ZNF773: variants seen among roughly 807,000 people sequenced by gnomAD.
ZNF773 encodes zinc finger protein 773.
Under a neutral mutation model 12.8 loss-of-function variants are expected in ZNF773, and 11 were observed. The observed-to-expected ratio is 0.86, with a 90% CI of 0.54 to 1.42. ZNF773 has a LOEUF of 1.42. Ranked by LOEUF, ZNF773 falls within the 40% of genes most tolerant of loss-of-function variation. The probability of loss-of-function intolerance (pLI) is 0.00; values close to 1 mark genes in which losing one functional copy is unlikely to be tolerated. For synonymous variants in ZNF773, 175 were observed against 178.4 expected (o/e 0.98, Z 0.15); for missense variants, 518 against 527.2 (o/e 0.98, Z 0.17).
In ZNF773 at chr19:57,500,059, T is replaced by C; in HGVS notation, c.-22T>C. 6.3e-7 allele frequency: 1 copy of C among 1,587,694 alleles called. No homozygotes were observed. Among genetic ancestry groups the C allele is most frequent in the Non-Finnish European group, 8.6e-7 (1 of 1,168,754 alleles). Reference sequence around the variant, plus strand: ...TGGCCCGGGCCCTTTCCTCGGTCGTTGTCTCACCGCCACAGGCTCCGATGG... The same window carrying C: ...TGGCCCGGGCCCTTTCCTCGGTCGTCGTCTCACCGCCACAGGCTCCGATGG... On this transcript the variant is annotated 5_prime_UTR_variant, in exon 1 of 4. Transcript: ENST00000282292.
At chr19:57,515,055 T>A (rs556926591), downstream of ZNF773, 1 of 152,220 alleles carries the variant, frequency 6.6e-6, no homozygotes, top group Non-Finnish European at 1.5e-5. Context: ...GTTTTACAGC[T>A]CACCGCTTTA....
In ZNF773 at chr19:57,506,364, G is replaced by C. The variant is rs1376127482; in HGVS notation, c.269G>C (p.Trp90Ser). The C allele has an allele frequency of 6.2e-7, 1 of 1,602,478 alleles. No homozygotes were observed. The highest frequency in any genetic ancestry group is 1.1e-5 in the South Asian group (1 of 89,426). ...AACATTTCTCTTCTTTCAGGTAGTT[G>C]GCAAGGAGCCAAGGCTGAGGCAGCT... ...VVTSAILRGSWQGAKAEAAAE... is the reference protein window; with the variant it reads ...VVTSAILRGSSQGAKAEAAAE... Residue 90 changes from tryptophan to serine, a missense_variant, in exon 4 of 4, where the codon TGG becomes TCG. Transcript: ENST00000282292.
chr19:57,505,709 GTTGT>G (rs1467356546), intron 3 of ZNF773, among the ~76,000 whole-genome samples: 3 of 98,956 alleles, frequency 3.0e-5, no homozygotes, highest in African/African-American at 4.2e-5. Context: ...TTTCATTCCA[GTTGT>G]TTTTTTTTTT....
chr19:57,500,126 TCCTCCCGG>T lies in ZNF773; in HGVS notation c.33+20_33+27del, dbSNP rs1466618038. On this transcript the variant is annotated intron_variant, in intron 1 of 3. Transcript: ENST00000282292. ...GGACCCCGCTCAGGTGAGCGCCGCG[TCCTCCCGG>T]CCTCCCCCGAATCCTAAAGCCCTGT... 2 of 1,602,098 alleles carry T rather than the reference TCCTCCCGG, an allele frequency of 1.2e-6. No individual in the cohort carries two copies. Among genetic ancestry groups the T allele is most frequent in the African/African-American group, 2.7e-5 (2 of 74,512 alleles).
Position 57,506,610 on chromosome 19 carries a change from A to C in ZNF773, c.515A>C (p.Glu172Ala). The change falls in exon 4 of 4, where the codon GAG (glutamate) becomes GCG (alanine). Residue 172 changes from glutamate (E) to alanine (A), a missense_variant. Glu to Ala is a moderately radical substitution (Grantham distance 107, BLOSUM62 -1). Transcript: ENST00000282292. ...AAGCACCAGGTGACTCACACGGGAG[A>C]GAAGTCACATAGGAGCTCCAAAAGT... ...VLKHQVTHTG[E>A]KSHRSSKSRE... is the part of the protein sequence containing the mutation. 1 of 1,614,194 alleles carries C rather than the reference A, an allele frequency of 6.2e-7. No individual in the cohort carries two copies. Among genetic ancestry groups the C allele is most frequent in the Non-Finnish European group, 8.5e-7 (1 of 1,180,034 alleles).
At chr19:57,506,291 C>A in intron 3 of ZNF773, 67 bp from the exon 4 acceptor site, 1 of 1,547,520 alleles carries the variant, frequency 6.5e-7, no homozygotes, top group Non-Finnish European at 8.7e-7. Flanking sequence ...GTGTCAGACA[C>A]GTGTGAGAGT....
chr19:57,512,431 GTCTC>G (rs1042859984), downstream of ZNF773, among the ~76,000 whole-genome samples: 10 of 130,764 alleles, frequency 7.6e-5, no homozygotes, highest in South Asian at 2.5e-4. Context: ...TTGAGATGGA[GTCTC>G]TCTCTGTCAC....
At chr19:57,516,418 A>G (rs7507774), downstream of ZNF773, 31,588 of 152,608 alleles carry the variant, frequency 0.21, 3,401 homozygotes, top group African/African-American at 0.25. Flanking sequence ...ACTCGGGAGC[A>G]ACACTCCTCC....
chr19:57,514,452 G>A (rs2089819542), downstream of ZNF773: 1 of 152,138 alleles, frequency 6.6e-6, no homozygotes, highest in Admixed American at 6.5e-5. Context: ...ACTTACTAAG[G>A]AGGCAGAAGC....
At chr19:57,503,440 A>G (rs1337676001) in intron 1 of ZNF773, among the ~76,000 whole-genome samples, 2 of 152,092 alleles carry the variant, frequency 1.3e-5, no homozygotes, top group African/African-American at 4.8e-5. Flanking sequence ...CTAGTGGCCA[A>G]AGTTCCTGTG....
In ZNF773 at chr19:57,507,486, A is replaced by C. The variant is rs1406448000; in HGVS notation, c.*62A>C. On this transcript the variant is annotated 3_prime_UTR_variant, in exon 4 of 4. Coordinates refer to ENST00000282292, the MANE Select transcript of ZNF773 (RefSeq NM_198542.3). ...TCAACACCAGAAAGTTCACAGTGTA[A>C]AAAAGTCTTGAAGGTTACTAATGGA... The C allele has an allele frequency of 6.5e-6, 10 of 1,528,200 alleles. No homozygotes were observed. In the African/African-American group the frequency reaches 1.3e-4, roughly 19 times the overall value. The allele number at this position is 1,528,200 out of a possible 1,614,324, so 94.7% of individuals were successfully genotyped here.
chr19:57,504,886 A>C (rs917904298), intron 2 of ZNF773, 100 bp downstream of exon 2: 2 of 1,443,014 alleles, frequency 1.4e-6, no homozygotes, highest in African/African-American at 2.8e-5. Flanking sequence ...AACTGTGGGC[A>C]CTCATTCCTT....
In ZNF773 at chr19:57,506,383, G is replaced by C. The variant is rs1197883622; in HGVS notation, c.288G>C (p.Glu96Asp). 6.2e-7 allele frequency: 1 copy of C among 1,611,656 alleles called. No homozygotes were observed. Among genetic ancestry groups the C allele is most frequent in the Non-Finnish European group, 8.5e-7 (1 of 1,179,162 alleles). ...LRGSWQGAKA[E>D]AAAEQSASVE... ...GTAGTTGGCAAGGAGCCAAGGCTGAGGCAGCTGCTGAGCAGAGTGCTTCTG... is the reference window on the plus strand; with the variant it reads ...GTAGTTGGCAAGGAGCCAAGGCTGACGCAGCTGCTGAGCAGAGTGCTTCTG... Residue 96 changes from glutamate to aspartate, a missense_variant, in exon 4 of 4, where the codon GAG (glutamate) becomes GAC (aspartate). Transcript: ENST00000282292.
rs147433175 is a variant in ZNF773, at chr19:57,503,873, G to C, written c.34-784G>C. ...GGGTTTCTCCATGTTGTTCAGGCTG[G>C]TCTCGAACTCCTGATCTCAGGTGAT... On this transcript the variant is annotated intron_variant, in intron 1 of 3. Transcript: ENST00000282292. 2.0e-5 allele frequency among the ~76,000 whole-genome samples: 3 copies of C among 152,154 alleles called. No individual in the cohort carries two copies. The East Asian group carries it at 5.8e-4, about 30-fold the overall frequency.
intron 3 of ZNF773, 63 bp downstream of exon 3, chr19:57,505,463 G>A: frequency 6.4e-7 from 1 of 1,564,798 alleles, no homozygotes; most frequent in Non-Finnish European, 8.8e-7. Flanking sequence ...CATACCAGGA[G>A]TCTTTCCAGT....
At chr19:57,509,701 G>T (rs1255308465), downstream of ZNF773, among the ~76,000 whole-genome samples, 2 of 152,180 alleles carry the variant, frequency 1.3e-5, no homozygotes, top group African/African-American at 2.4e-5. Flanking sequence ...GAAAATCAAA[G>T]TGTTGGCATG....
Position 57,506,378 on chromosome 19 carries a change from G to A in ZNF773, c.283G>A (p.Ala95Thr). 1 of 1,611,410 alleles carries A rather than the reference G, an allele frequency of 6.2e-7. No homozygotes were observed. Among genetic ancestry groups the A allele is most frequent in the Non-Finnish European group, 8.5e-7 (1 of 1,179,068 alleles). ...TTCAGGTAGTTGGCAAGGAGCCAAGGCTGAGGCAGCTGCTGAGCAGAGTGC... is the reference window on the plus strand; with the variant it reads ...TTCAGGTAGTTGGCAAGGAGCCAAGACTGAGGCAGCTGCTGAGCAGAGTGC... ...ILRGSWQGAK[A>T]EAAAEQSASV... The change falls in exon 4 of 4, where the codon GCT becomes ACT. Residue 95 changes from alanine (A) to threonine (T), a missense_variant. Coordinates refer to ENST00000282292, the MANE Select transcript of ZNF773 (RefSeq NM_198542.3).
At chr19:57,504,872 G>T in intron 2 of ZNF773, 86 bp downstream of exon 2, 1 of 1,536,942 alleles carries the variant, frequency 6.5e-7, no homozygotes, top group South Asian at 1.1e-5. Context: ...TCTTCCCAAA[G>T]CTGAACTGTG....
rs963246737 is a variant in ZNF773 at position 57,507,294 on chromosome 19, C to T, written c.1199C>T (p.Ser400Phe). Residue 400 changes from serine (S) to phenylalanine (F), a missense_variant, in exon 4 of 4, where the codon TCC becomes TTC. Transcript: ENST00000282292. ...NECGRFFSEN[S>F]SLVKHQRVHT... Reference sequence around the variant, plus strand: ...TGTGGGAGATTCTTTAGTGAGAATTCCAGCCTTGTTAAACATCAGAGGGTT... The same window carrying T: ...TGTGGGAGATTCTTTAGTGAGAATTTCAGCCTTGTTAAACATCAGAGGGTT... The T allele has an allele frequency of 1.9e-6, 3 of 1,614,178 alleles. No homozygotes were observed. Among genetic ancestry groups the T allele is most frequent in the Non-Finnish European group, 2.5e-6 (3 of 1,180,028 alleles).
Sources: gnomAD v4.1 joint callset for allele counts (sites outside exome capture counted in the v4.1 genomes callset) on GRCh38, gnomAD v4.1.1 for gene constraint, MANE v1.5 for transcripts, NCBI Gene and HGNC (gene_info 2026-07-23, HGNC 2026-07-21) for gene names.